NRG3: variants seen among roughly 807,000 people sequenced by gnomAD.
The protein encoded by NRG3 is pro-neuregulin-3, membrane-bound isoform.
A neutral mutation model predicts 66.9 loss-of-function variants in NRG3; 31 were observed. The observed-to-expected ratio is 0.46, with a 90% CI of 0.35 to 0.63. The LOEUF (loss-of-function observed/expected upper bound fraction) is 0.63. NRG3 is among the 20% of genes least tolerant of loss of function. NRG3 has a pLI of 0.00. For missense variants in NRG3, 910 were observed against 878.9 expected (o/e 1.04, Z -0.45); for synonymous variants, 393 against 359.4 (o/e 1.09, Z -1.06).
At chr10:82,808,760 T>C (rs1029584353) in intron 3 of NRG3, among the ~76,000 whole-genome samples, 1 of 152,228 alleles carries the variant, frequency 6.6e-6, no homozygotes, top group African/African-American at 2.4e-5. Flanking sequence ...CTTATACAGC[T>C]ACTTATTTAT....
intron 4 of NRG3, among the ~76,000 whole-genome samples, chr10:82,932,656 C>A (rs1923555): frequency 0.38 from 57,667 of 152,062 alleles, 11,400 homozygotes; most frequent in East Asian, 0.63. Context: ...CTCCTGCAAG[C>A]TCACAGTGGA....
intron 2 of NRG3, among the ~76,000 whole-genome samples, chr10:82,530,354 G>A (rs1847130954): frequency 6.6e-6 from 1 of 151,960 alleles, no homozygotes; most frequent in South Asian, 2.1e-4. Flanking sequence ...AAAAGCTATA[G>A]TTGTCAAAAT....
At chr10:82,657,317 A>G (rs2051951904) in intron 2 of NRG3, among the ~76,000 whole-genome samples, 1 of 152,176 alleles carries the variant, frequency 6.6e-6, no homozygotes, top group Non-Finnish European at 1.5e-5. Context: ...AAGAATATAT[A>G]TCAATGTTTG....
chr10:82,535,366 T>G (rs947659968), intron 2 of NRG3, among the ~76,000 whole-genome samples: 8 of 151,966 alleles, frequency 5.3e-5, no homozygotes, highest in African/African-American at 1.9e-4. Context: ...CCAGAACACT[T>G]TATTTACGGA....
intron 1 of NRG3, among the ~76,000 whole-genome samples, chr10:82,352,884 GTTT>G (rs200054765): frequency 1.2e-4 from 17 of 138,606 alleles, no homozygotes; most frequent in East Asian, 8.4e-4. Flanking sequence ...TTGCTATGTG[GTTT>G]TTTTTTTTTT....
chr10:82,086,850 T>C (rs2065758049), intron 1 of NRG3, among the ~76,000 whole-genome samples: 1 of 152,154 alleles, frequency 6.6e-6, no homozygotes, highest in African/African-American at 2.4e-5. Flanking sequence ...TTTGGTGTTA[T>C]CATTGCCTTC....
At chr10:82,338,729 A>G (rs971186202) in intron 1 of NRG3, among the ~76,000 whole-genome samples, 4 of 152,154 alleles carry the variant, frequency 2.6e-5, no homozygotes, top group African/African-American at 4.8e-5. Context: ...AAATCCCACT[A>G]CCACACATTG....
At chr10:82,223,339 A>G (rs776569980) in intron 1 of NRG3, among the ~76,000 whole-genome samples, 2 of 152,032 alleles carry the variant, frequency 1.3e-5, no homozygotes, top group African/African-American at 2.4e-5. Flanking sequence ...TAATTTCTCA[A>G]AAAAACATAT....
At chr10:82,126,279 A>G (rs1467641528) in intron 1 of NRG3, among the ~76,000 whole-genome samples, 1 of 152,106 alleles carries the variant, frequency 6.6e-6, no homozygotes, top group African/African-American at 2.4e-5. Context: ...TTAACAAATA[A>G]ATTCTAAAAA....
At chr10:82,410,463 A>G (rs200809660) in intron 2 of NRG3, among the ~76,000 whole-genome samples, 11 of 139,358 alleles carry the variant, frequency 7.9e-5, no homozygotes, top group African/African-American at 2.8e-4. Context: ...ATATATATAT[A>G]TGTATATATA....
chr10:82,015,658 G>A (rs930333087), intron 1 of NRG3, among the ~76,000 whole-genome samples: 1 of 151,926 alleles, frequency 6.6e-6, no homozygotes, highest in Non-Finnish European at 1.5e-5. Context: ...TGACTTAATT[G>A]ACATGTGAGT....
chr10:82,534,060 TAACTA>T (rs1347001164), intron 2 of NRG3, among the ~76,000 whole-genome samples: 1 of 152,146 alleles, frequency 6.6e-6, no homozygotes, highest in Non-Finnish European at 1.5e-5. Context: ...GGAATAAACT[TAACTA>T]AGAAGGTAAA....
At chr10:82,887,298 G>A (rs1010814143) in intron 4 of NRG3, among the ~76,000 whole-genome samples, 7 of 152,128 alleles carry the variant, frequency 4.6e-5, no homozygotes, top group Admixed American at 6.5e-5. Flanking sequence ...CTCCGATTAC[G>A]CTGAAAGTGT....
intron 3 of NRG3, among the ~76,000 whole-genome samples, chr10:82,788,739 A>G (rs886664066): frequency 6.6e-6 from 1 of 152,082 alleles, no homozygotes; most frequent in East Asian, 1.9e-4. Context: ...TATTTGCCCA[A>G]TGCCTAACTT....
Position 82,129,292 on chromosome 10 carries a change from C to G in NRG3, c.824-229447C>G, listed in dbSNP as rs773701219. Among the ~76,000 whole-genome samples, 10 of 149,894 alleles carry G rather than the reference C, an allele frequency of 6.7e-5. 2 individuals carry two copies. The highest frequency in any genetic ancestry group is 7.1e-3 in the Middle Eastern group (2 of 280). On this transcript the variant is annotated intron_variant, in intron 1 of 8. Transcript: ENST00000372141. The stretch of plus-strand genomic sequence containing the variant: ...CACAATACTACATTGTCAGAGGGCA[C>G]AGTTCACATTCAATTTCCAGTGATA...
rs183913305 is a variant in NRG3 at position 82,692,991 on chromosome 10, C to T, written c.954-45586C>T. Among the ~76,000 whole-genome samples the T allele has an allele frequency of 2.6e-5, 4 of 152,250 alleles. No homozygotes were observed. In the East Asian group the frequency reaches 7.7e-4, roughly 29 times the overall value. ...AAGCAGCATCTTATAGATGGGCCGC[C>T]CCTCAACACTGTTTGCTGCGCTACT... On this transcript the variant is annotated intron_variant, in intron 2 of 8. Transcript: ENST00000372141.
At chr10:81,950,340 T>C (rs1211393843) in intron 1 of NRG3, among the ~76,000 whole-genome samples, 1 of 152,224 alleles carries the variant, frequency 6.6e-6, no homozygotes, top group African/African-American at 2.4e-5. Context: ...AAATACCTGC[T>C]GTGTGCCAGA....
chr10:82,518,401 C>T (rs974285663), intron 2 of NRG3, among the ~76,000 whole-genome samples: 12 of 152,016 alleles, frequency 7.9e-5, no homozygotes, highest in African/African-American at 2.7e-4. Context: ...CCAAAGGAGG[C>T]GAAATCCATG....
chr10:82,983,879 C>T (rs1853176738), intron 8 of NRG3, among the ~76,000 whole-genome samples: 1 of 152,188 alleles, frequency 6.6e-6, no homozygotes, highest in African/African-American at 2.4e-5. Flanking sequence ...GATGAGCCTA[C>T]AAAGGCCTAA....
Sources: allele counts gnomAD v4.1 joint callset (sites outside exome capture counted in the v4.1 genomes callset), GRCh38; gene constraint gnomAD v4.1.1; transcripts MANE v1.5; gene names NCBI Gene and HGNC (gene_info 2026-07-23, HGNC 2026-07-21).